The following MYL4 variants were observed in gnomAD, a reference collection of about 807,000 sequenced individuals.
MYL4 encodes atrial myosin light chain 1.
MYL4 carries 16 observed loss-of-function variants against 21.6 expected under a neutral mutation model. The observed-to-expected ratio is 0.74, with a 90% confidence interval of 0.50 to 1.12. The LOEUF (loss-of-function observed/expected upper bound fraction) is 1.12. Among genes scored for constraint, MYL4 ranks in the 50% most tolerant of loss-of-function variants. The pLI is 0.00. For synonymous variants in MYL4, 82 were observed against 95.7 expected, an observed-to-expected ratio of 0.86 and a Z score of 0.83; for missense variants, 249 against 252.9, an observed-to-expected ratio of 0.98 and a Z score of 0.11.
intron 1 of MYL4, among the ~76,000 whole-genome samples, chr17:47,213,021 G>T (rs2064787711): frequency 6.6e-6 from 1 of 152,158 alleles, no homozygotes; most frequent in East Asian, 1.9e-4. Context: ...TTTAAAATCA[G>T]AATCAAATAG....
intron 1 of MYL4, among the ~76,000 whole-genome samples, chr17:47,210,994 G>A (rs2064770166): frequency 6.6e-6 from 1 of 151,998 alleles, no homozygotes; most frequent in African/African-American, 2.4e-5. Context: ...CCTGGTGTCT[G>A]GGCAACAGCT....
chr17:47,224,684 G>A (rs970984535), downstream of MYL4, among the ~76,000 whole-genome samples: 8 of 152,122 alleles, frequency 5.3e-5, no homozygotes, highest in African/African-American at 1.7e-4. Context: ...TTTTTAAGGC[G>A]GAATCATGTC....
At chr17:47,203,834 T>A (rs908360) in intron 1 of MYL4, among the ~76,000 whole-genome samples, 1 of 152,296 alleles carries the variant, frequency 6.6e-6, no homozygotes, top group East Asian at 1.9e-4. Context: ...AAACCGAGAA[T>A]GCTTGGCTCC....
At chr17:47,197,906 C>T (rs2064695402), upstream of MYL4, among the ~76,000 whole-genome samples, 1 of 152,128 alleles carries the variant, frequency 6.6e-6, no homozygotes, top group Non-Finnish European at 1.5e-5. Context: ...GGACTGGAGG[C>T]TGTATAAGCT....
chr17:47,194,237 C>G, the MYL4 span, among the ~76,000 whole-genome samples: 1 of 152,190 alleles, frequency 6.6e-6, no homozygotes, highest in Admixed American at 6.5e-5. Flanking sequence ...TTTCCTATCC[C>G]AGTTTAAGAT....
chr17:47,216,685 TTTTCTTTTTC>T, intron 2 of MYL4, among the ~76,000 whole-genome samples: 1 of 150,364 alleles, frequency 6.7e-6, no homozygotes, highest in African/African-American at 2.5e-5. Flanking sequence ...GACATCTTTT[TTTTCTTTTTC>T]TTTCTTTTTT....
intron 5 of MYL4, 116 bp downstream of exon 5, chr17:47,222,573 C>A (rs1351423508): frequency 3.6e-6 from 3 of 840,588 alleles, no homozygotes; most frequent in Non-Finnish European, 5.7e-6. Flanking sequence ...TTTGTAGACC[C>A]CCCATTGGAT....
intron 2 of MYL4, 50 bp from the exon 3 acceptor site, chr17:47,219,854 C>T (rs779492756): frequency 5.0e-6 from 8 of 1,612,364 alleles, no homozygotes; most frequent in African/African-American, 2.7e-5. Context: ...GGCCACCAGC[C>T]ACCACCTTCA....
upstream of MYL4, chr17:47,209,307 C>T: frequency 8.4e-6 from 12 of 1,425,892 alleles, no homozygotes; most frequent in Non-Finnish European, 1.1e-5. Context: ...TGTGGGGGCT[C>T]CTGCCCAGGA....
chr17:47,193,670 C>A, the MYL4 span, among the ~76,000 whole-genome samples: 1 of 151,912 alleles, frequency 6.6e-6, no homozygotes, highest in African/African-American at 2.4e-5. Context: ...TCTCACCCAC[C>A]CTACACATTC....
rs11339637 is a variant in MYL4, at chr17:47,216,307, CTTT to C, written c.163+2495_163+2497del. Among the ~76,000 whole-genome samples, 44 of 138,208 alleles carry C rather than the reference CTTT, an allele frequency of 3.2e-4. 1 individual carries two copies. Among genetic ancestry groups the C allele is most frequent in the Non-Finnish European group, 1.7e-4 (11 of 64,436 alleles). The allele number at this position is 138,208 out of a possible 152,430, so 90.7% of individuals were successfully genotyped here. A position where few individuals can be genotyped will look rare whatever the true frequency, so the allele number is the denominator to read the frequency against. On this transcript the variant is annotated intron_variant, in intron 2 of 6. Transcript: ENST00000393450. ...CTCTAATACCTGAAGTTCACACTGGCTTTTTTTTTTTTTTTTCTAGTTGTAGTC... is the reference window on the plus strand; with the variant it reads ...CTCTAATACCTGAAGTTCACACTGGCTTTTTTTTTTTTTCTAGTTGTAGTC...
At chr17:47,201,943 G>A (rs1255670077) in intron 1 of MYL4, among the ~76,000 whole-genome samples, 4 of 152,034 alleles carry the variant, frequency 2.6e-5, no homozygotes, top group African/African-American at 9.7e-5. Context: ...CACCCAAAAT[G>A]TTATCATTTC....
At chr17:47,201,818 G>T (rs562111860) in intron 1 of MYL4, among the ~76,000 whole-genome samples, 1 of 152,000 alleles carries the variant, frequency 6.6e-6, no homozygotes, top group South Asian at 2.1e-4. Flanking sequence ...CCCACTCTAG[G>T]CAATTATTGA....
At chr17:47,224,250 C>T (rs138136777), downstream of MYL4, among the ~76,000 whole-genome samples, 2,376 of 152,132 alleles carry the variant, frequency 0.016, 56 homozygotes, top group African/African-American at 0.054. Context: ...ACAATCATGG[C>T]GGAAGGCAAG....
chr17:47,215,392 T>C (rs1343699568), intron 2 of MYL4, among the ~76,000 whole-genome samples: 1 of 152,250 alleles, frequency 6.6e-6, no homozygotes, highest in Admixed American at 6.5e-5. Flanking sequence ...CATTCTGATC[T>C]TTTATCCCTC....
downstream of MYL4, among the ~76,000 whole-genome samples, chr17:47,224,898 GGA>G (rs1408570984): frequency 6.6e-6 from 1 of 152,158 alleles, no homozygotes; most frequent in Non-Finnish European, 1.5e-5. Context: ...AGGAGAGTGG[GGA>G]GAGGCACGTG....
chr17:47,200,877 G>A (rs955104918), intron 1 of MYL4, among the ~76,000 whole-genome samples: 29 of 152,170 alleles, frequency 1.9e-4, no homozygotes, highest in Non-Finnish European at 4.1e-4. Flanking sequence ...TTGAGAGGAT[G>A]ATTTAAAGTG....
chr17:47,221,864 G>A lies in MYL4; in HGVS notation c.487+9G>A. The A allele has an allele frequency of 6.2e-7, 1 of 1,610,734 alleles. No homozygotes were observed. The highest frequency in any genetic ancestry group is 8.5e-7 in the Non-Finnish European group (1 of 1,177,866). Reference sequence around the variant, plus strand: ...CGTCCTTGCCACCCTGGGTATGCCAGCTGGGCAGAGATGAAGACCAAGTGG... The same window carrying A: ...CGTCCTTGCCACCCTGGGTATGCCAACTGGGCAGAGATGAAGACCAAGTGG... On this transcript the variant is annotated intron_variant, in intron 4 of 6. Coordinates refer to ENST00000393450, the MANE Select transcript of MYL4 (RefSeq NM_002476.2).
chr17:47,203,637 G>C (rs2064717175), intron 1 of MYL4, among the ~76,000 whole-genome samples: 4 of 151,896 alleles, frequency 2.6e-5, no homozygotes, highest in Admixed American at 1.3e-4. Flanking sequence ...TTAAAATCTT[G>C]GTCCATCTGT....
Sources: allele counts gnomAD v4.1 joint callset (sites outside exome capture counted in the v4.1 genomes callset), GRCh38; gene constraint gnomAD v4.1.1; transcripts MANE v1.5; gene names NCBI Gene and HGNC (gene_info 2026-07-23, HGNC 2026-07-21).